The following STX12 variants were observed in gnomAD, a reference collection of about 807,000 sequenced individuals.
STX12 encodes the protein syntaxin-12.
In STX12, 17 loss-of-function variants were observed where a neutral mutation model predicts 42.2. That is an observed-to-expected ratio of 0.40 (90% CI 0.28 to 0.60). The LOEUF (loss-of-function observed/expected upper bound fraction) is 0.60, where lower values mean the gene tolerates loss of function less well. STX12 is among the 20% of genes least tolerant of loss of function. STX12 has a pLI of 0.39. For synonymous variants in STX12, 108 were observed against 116.7 expected (o/e 0.93, Z 0.48); for missense variants, 297 against 330.9 (o/e 0.90, Z 0.79).
At chr1:27,792,214 CTA>C (rs71909253) in intron 2 of STX12, among the ~76,000 whole-genome samples, 1,432 of 111,328 alleles carry the variant, frequency 0.013, 12 homozygotes, top group Admixed American at 0.017. Flanking sequence ...ATATATGTAT[CTA>C]TATATATGTA....
intron 1 of STX12, among the ~76,000 whole-genome samples, chr1:27,783,153 G>A (rs759646286): frequency 1.2e-4 from 19 of 152,258 alleles, no homozygotes; most frequent in Non-Finnish European, 2.6e-4. Context: ...AGATTCTGCC[G>A]ATATCAGCTT....
chr1:27,779,292 C>T (rs1161140490), intron 1 of STX12, among the ~76,000 whole-genome samples: 1 of 151,850 alleles, frequency 6.6e-6, no homozygotes, highest in African/African-American at 2.4e-5. Flanking sequence ...CCTAAAGTGG[C>T]TCTCTGTTGT....
intron 2 of STX12, among the ~76,000 whole-genome samples, chr1:27,790,273 C>T (rs1035454243): frequency 2.0e-5 from 3 of 152,132 alleles, no homozygotes; most frequent in South Asian, 2.1e-4. Flanking sequence ...TAAGGTGGTG[C>T]GGACCCAAAG....
At chr1:27,804,027 A>C (rs770729197) in intron 4 of STX12, among the ~76,000 whole-genome samples, 14 of 151,892 alleles carry the variant, frequency 9.2e-5, no homozygotes, top group East Asian at 7.8e-4. Flanking sequence ...AACAAAAAAA[A>C]CCCCAGAATT....
intron 4 of STX12, among the ~76,000 whole-genome samples, chr1:27,804,112 C>A (rs1418123920): frequency 6.6e-6 from 1 of 152,026 alleles, no homozygotes; most frequent in African/African-American, 2.4e-5. Context: ...TCTCAGGAAC[C>A]CATTACACTC....
chr1:27,818,755 G>A (rs148468718), intron 7 of STX12, among the ~76,000 whole-genome samples: 3,410 of 151,632 alleles, frequency 0.022, 110 homozygotes, highest in African/African-American at 0.076. Context: ...TCAGCCTCCC[G>A]AGTAGCTGGG....
At chr1:27,818,928 G>T (rs1006416880) in intron 7 of STX12, among the ~76,000 whole-genome samples, 2 of 145,042 alleles carry the variant, frequency 1.4e-5, no homozygotes, top group Non-Finnish European at 2.9e-5. Context: ...CGCCTGGCCA[G>T]TAACTCTTTT....
intron 1 of STX12, among the ~76,000 whole-genome samples, chr1:27,786,594 ACT>A (rs2088700737): frequency 6.6e-6 from 1 of 151,948 alleles, no homozygotes; most frequent in Non-Finnish European, 1.5e-5. Context: ...TCCTTAGAAG[ACT>A]CTCGAAGGCA....
rs1417896183 is a variant in STX12, at chr1:27,812,250, G to A, written c.558G>A (p.Thr186=). 6 of 1,556,642 alleles carry A rather than the reference G, an allele frequency of 3.9e-6. No individual in the cohort carries two copies. The highest frequency in any genetic ancestry group is 2.4e-5 in the South Asian group (2 of 84,314). The change falls in exon 6 of 9, where the codon ACG becomes ACA. Residue 186 remains threonine (T), a synonymous_variant. Coordinates refer to ENST00000373943, the MANE Select transcript of STX12 (RefSeq NM_177424.3). ...TGGAACTTATTAAAGAAAGAGAAAC[G>A]GCAATTCGGCAGCTGGAGGTGAGAG... The part of the protein sequence containing the change: ...QDLELIKERE[T]AIRQLEADIL...
At chr1:27,796,298 C>A (rs2088785345) in intron 3 of STX12, among the ~76,000 whole-genome samples, 1 of 152,170 alleles carries the variant, frequency 6.6e-6, no homozygotes, top group Admixed American at 6.5e-5. Context: ...ATACATCAAA[C>A]CATACTCCTA....
intron 5 of STX12, among the ~76,000 whole-genome samples, chr1:27,810,765 A>AT (rs2088897073): frequency 6.6e-6 from 1 of 152,272 alleles, no homozygotes; most frequent in East Asian, 1.9e-4. Flanking sequence ...ATGGAAGTGT[A>AT]TTTGTGGTAT....
intron 2 of STX12, among the ~76,000 whole-genome samples, chr1:27,791,481 C>T (rs1193795493): frequency 6.6e-6 from 1 of 152,158 alleles, no homozygotes; most frequent in East Asian, 1.9e-4. Context: ...ACATCCTTTT[C>T]TGCTCCATTT....
At chr1:27,819,493 A>AT (rs151129121) in intron 7 of STX12, among the ~76,000 whole-genome samples, 157 bp from the exon 8 acceptor site, 18,662 of 151,970 alleles carry the variant, frequency 0.12, 3,804 homozygotes, top group African/African-American at 0.43. Flanking sequence ...TCTCCAAAGA[A>AT]AAGGCTAGTC....
chr1:27,773,656 C>A (rs373172910), intron 1 of STX12, among the ~76,000 whole-genome samples: 1 of 152,172 alleles, frequency 6.6e-6, no homozygotes, highest in Non-Finnish European at 1.5e-5. Context: ...AGTTCTGCCC[C>A]CACGGTGCTG....
intron 1 of STX12, among the ~76,000 whole-genome samples, chr1:27,784,395 A>AT (rs1373546728): frequency 6.6e-6 from 1 of 151,894 alleles, no homozygotes; most frequent in Non-Finnish European, 1.5e-5. Flanking sequence ...TAATTTTTAA[A>AT]TTTTTTGTAG....
Position 27,808,224 on chromosome 1 carries a change from C to A in STX12, c.427-2022C>A, listed in dbSNP as rs1194636459. Among the ~76,000 whole-genome samples the A allele has an allele frequency of 2.0e-5, 3 of 151,906 alleles. No individual in the cohort carries two copies. In the East Asian group the frequency reaches 5.8e-4, roughly 29 times the overall value. On this transcript the variant is annotated intron_variant, in intron 4 of 8. Transcript: ENST00000373943. The stretch of plus-strand genomic sequence containing the variant: ...GTGGATAGAAATTTGAAATTCTTTT[C>A]ATTTTGCTTGTCCTGTATTGCTATT...
chr1:27,779,340 T>G (rs1264528917), intron 1 of STX12, among the ~76,000 whole-genome samples: 6 of 138,878 alleles, frequency 4.3e-5, no homozygotes, highest in African/African-American at 1.7e-4. Context: ...TTTGTTTTTT[T>G]TTGTTTTTTT....
intron 7 of STX12, among the ~76,000 whole-genome samples, chr1:27,818,273 C>T (rs1318692524): frequency 4.0e-5 from 6 of 151,694 alleles, no homozygotes; most frequent in African/African-American, 1.2e-4. Context: ...CCCAGCTACT[C>T]GGGAGGCTGA....
chr1:27,790,518 A>T (rs529236156), intron 2 of STX12, among the ~76,000 whole-genome samples: 1 of 152,342 alleles, frequency 6.6e-6, no homozygotes, highest in East Asian at 1.9e-4. Flanking sequence ...CTAGCTACAG[A>T]GTGCTGATTG....
Sources: gnomAD v4.1 joint callset for allele counts (sites outside exome capture counted in the v4.1 genomes callset) on GRCh38, gnomAD v4.1.1 for gene constraint, MANE v1.5 for transcripts, NCBI Gene and HGNC (gene_info 2026-07-23, HGNC 2026-07-21) for gene names.